The following FBXW7 variants were observed in gnomAD, a reference collection of about 807,000 sequenced individuals.
FBXW7 encodes the protein F-box and WD repeat domain containing 7, also known as F-box/WD repeat-containing protein 7.
In FBXW7, 11 loss-of-function variants were observed where a neutral mutation model predicts 86.3. That is an observed-to-expected ratio of 0.13 (90% CI 0.08 to 0.21). The LOEUF (loss-of-function observed/expected upper bound fraction) is 0.21, where lower values mean the gene tolerates loss of function less well. Ranked by LOEUF, FBXW7 falls within the 10% of genes least tolerant of loss-of-function variation. FBXW7 has a pLI of 1.00. For synonymous variants in FBXW7, 313 were observed against 297.9 expected (o/e 1.05, Z -0.52); for missense variants, 488 against 847.4 (o/e 0.58, Z 5.27).
At chr4:152,378,199 C>T (rs925745555) in intron 4 of FBXW7, among the ~76,000 whole-genome samples, 1 of 152,142 alleles carries the variant, frequency 6.6e-6, no homozygotes, top group African/African-American at 2.4e-5. Context: ...ACAGTAACAC[C>T]TTTTCAAATG....
At position 152,416,860 on chromosome 4, in the gene FBXW7, C is replaced by A. The variant is rs1878342; in HGVS notation, c.-119-4331G>T. Among the ~76,000 whole-genome samples the A allele has an allele frequency of 6.5e-3, 987 of 151,922 alleles. 42 individuals are homozygous for A. Among genetic ancestry groups the A allele is most frequent in the Admixed American group, 0.055 (839 of 15,240 alleles). ...TATTTTGTTTTGGCTAAATTTAATC[C>A]CTGTGTGATACGCCACCACCTGTGT... On this transcript the variant is annotated intron_variant, in intron 2 of 13. Coordinates refer to ENST00000281708, the MANE Select transcript of FBXW7 (RefSeq NM_001349798.2).
At chr4:152,326,564 T>C (rs1169124288) in intron 11 of FBXW7, among the ~76,000 whole-genome samples, 1 of 152,042 alleles carries the variant, frequency 6.6e-6, no homozygotes, top group African/African-American at 2.4e-5. Context: ...CCTCTAAATA[T>C]ATACAATAAG....
intron 2 of FBXW7, among the ~76,000 whole-genome samples, chr4:152,480,432 C>T (rs1744777434): frequency 1.3e-5 from 2 of 152,240 alleles, no homozygotes; most frequent in Admixed American, 6.5e-5. Context: ...TAAGACAAAA[C>T]AACATTGAAA....
rs993026040 is a variant in FBXW7 at position 152,470,398 on chromosome 4, A to G, written c.-119-57869T>C. 5.4e-4 allele frequency among the ~76,000 whole-genome samples: 82 copies of G among 152,248 alleles called. 1 individual carries two copies. Among genetic ancestry groups the G allele is most frequent in the African/African-American group, 1.8e-3 (74 of 41,574 alleles). On this transcript the variant is annotated intron_variant, in intron 2 of 13. Coordinates refer to ENST00000281708, the MANE Select transcript of FBXW7 (RefSeq NM_001349798.2). The stretch of plus-strand genomic sequence containing the variant: ...TAACACATTCTGGTATCTAGTTACC[A>G]TCTTTTAAGTGGCACCTAGACAATC...
intron 2 of FBXW7, among the ~76,000 whole-genome samples, chr4:152,513,947 A>T (rs955749009): frequency 3.9e-5 from 6 of 152,262 alleles, no homozygotes; most frequent in Non-Finnish European, 7.3e-5. Context: ...CTAAGTCCAA[A>T]TTCAGATGTC....
At chr4:152,450,206 A>G (rs568352983) in intron 2 of FBXW7, among the ~76,000 whole-genome samples, 6 of 152,344 alleles carry the variant, frequency 3.9e-5, no homozygotes, top group African/African-American at 1.4e-4. Context: ...TCAATTTTTT[A>G]AAAATCCTTT....
chr4:152,345,506 G>A (rs544704563), intron 6 of FBXW7, among the ~76,000 whole-genome samples: 5 of 151,996 alleles, frequency 3.3e-5, no homozygotes, highest in African/African-American at 1.2e-4. Flanking sequence ...CATGGAGATC[G>A]TCCTTTGTAT....
At chr4:152,441,221 G>A (rs1202507818) in intron 2 of FBXW7, among the ~76,000 whole-genome samples, 3 of 152,054 alleles carry the variant, frequency 2.0e-5, no homozygotes, top group Non-Finnish European at 4.4e-5. Flanking sequence ...AATCTCAAAG[G>A]TTTTGTTTCT....
chr4:152,483,123 T>G (rs1398826464), intron 2 of FBXW7, among the ~76,000 whole-genome samples: 1 of 152,174 alleles, frequency 6.6e-6, no homozygotes, highest in African/African-American at 2.4e-5. Flanking sequence ...TTATAAATAA[T>G]GCTAAAATTA....
chr4:152,426,152 C>T (rs1739363200), intron 2 of FBXW7, among the ~76,000 whole-genome samples: 1 of 152,102 alleles, frequency 6.6e-6, no homozygotes, highest in Admixed American at 6.5e-5. Context: ...AATATAAACT[C>T]AATCAAGGCT....
intron 2 of FBXW7, among the ~76,000 whole-genome samples, chr4:152,520,314 T>A (rs1748895031): frequency 6.6e-6 from 1 of 151,604 alleles, no homozygotes; most frequent in South Asian, 2.1e-4. Context: ...GCGCCTGTAG[T>A]CCCAGCTACT....
At chr4:152,362,913 C>T (rs1206656592) in intron 4 of FBXW7, among the ~76,000 whole-genome samples, 1 of 150,252 alleles carries the variant, frequency 6.7e-6, no homozygotes, top group Non-Finnish European at 1.5e-5. Flanking sequence ...ATCATGATCA[C>T]AACATAAACA....
At chr4:152,328,610 T>C (rs548672742) in intron 10 of FBXW7, 4 of 361,612 alleles carry the variant, frequency 1.1e-5, no homozygotes, top group South Asian at 1.0e-4. Flanking sequence ...GTATGTAGTA[T>C]GTAGAAAGCA....
At chr4:152,327,308 C>A (rs1223870855) in intron 11 of FBXW7, among the ~76,000 whole-genome samples, 1 of 151,964 alleles carries the variant, frequency 6.6e-6, no homozygotes, top group African/African-American at 2.4e-5. Flanking sequence ...TCACATATTA[C>A]AAATCTGGTG....
chr4:152,444,756 G>A (rs1741219588), intron 2 of FBXW7, among the ~76,000 whole-genome samples: 2 of 152,198 alleles, frequency 1.3e-5, no homozygotes. Flanking sequence ...CCATTCCGGT[G>A]ATTCTTTCAA....
At chr4:152,323,213 A>G in intron 13 of FBXW7, 64 bp from the exon 14 acceptor site, 4 of 1,526,496 alleles carry the variant, frequency 2.6e-6, no homozygotes, top group South Asian at 1.2e-5. Flanking sequence ...TAGTTACATT[A>G]TAATTTGTAG....
chr4:152,444,194 G>A (rs1334179159), intron 2 of FBXW7, among the ~76,000 whole-genome samples: 1 of 152,104 alleles, frequency 6.6e-6, no homozygotes, highest in Non-Finnish European at 1.5e-5. Flanking sequence ...TGCACTATAT[G>A]TACATATATG....
intron 2 of FBXW7, among the ~76,000 whole-genome samples, chr4:152,458,650 T>C (rs934526559): frequency 6.6e-6 from 1 of 152,214 alleles, no homozygotes; most frequent in African/African-American, 2.4e-5. Flanking sequence ...TCATGCTGGA[T>C]TGTTACCACA....
chr4:152,484,917 G>A (rs996106695), intron 2 of FBXW7, among the ~76,000 whole-genome samples: 5 of 148,928 alleles, frequency 3.4e-5, no homozygotes, highest in African/African-American at 1.2e-4. Flanking sequence ...AGCTGAGATC[G>A]CGCCACTGCA....
Sources: gnomAD v4.1 joint callset for allele counts (sites outside exome capture counted in the v4.1 genomes callset) on GRCh38, gnomAD v4.1.1 for gene constraint, MANE v1.5 for transcripts, NCBI Gene and HGNC (gene_info 2026-07-23, HGNC 2026-07-21) for gene names.